The following RNF17 variants were observed in gnomAD, a reference collection of about 807,000 sequenced individuals.
The protein encoded by RNF17 is ring finger protein 17.
A neutral mutation model predicts 200.5 loss-of-function variants in RNF17; 31 were observed. The ratio of observed to expected loss-of-function variants is 0.15; its 90% CI spans 0.12 to 0.21. The LOEUF is 0.21. Among genes scored for constraint, RNF17 ranks in the 10% least tolerant of loss-of-function variants. RNF17 has a pLI of 1.00. For synonymous variants in RNF17, 606 were observed against 637.8 expected, an observed-to-expected ratio of 0.95 and a Z score of 0.75; for missense variants, 1,628 against 1,905.1, an observed-to-expected ratio of 0.85 and a Z score of 2.71.
At chr13:24,764,661 A>G (rs1005454389) in intron 1 of RNF17, among the ~76,000 whole-genome samples, 1 of 152,220 alleles carries the variant, frequency 6.6e-6, no homozygotes, top group African/African-American at 2.4e-5. Flanking sequence ...TAGACATAAA[A>G]TGTAGCCCAT....
intron 2 of RNF17, 111 bp downstream of exon 2, chr13:24,767,477 T>C (rs1021737352): frequency 6.3e-5 from 45 of 717,686 alleles, no homozygotes; most frequent in Non-Finnish European, 9.8e-5. Flanking sequence ...TGGCCGGGCG[T>C]GGTGGCTGAC....
chr13:24,819,049 AC>A (rs1566176557), intron 15 of RNF17, among the ~76,000 whole-genome samples: 1 of 152,122 alleles, frequency 6.6e-6, no homozygotes, highest in Admixed American at 6.5e-5. Flanking sequence ...GTGTTAAAAA[AC>A]ACACAGAATT....
intron 22 of RNF17, among the ~76,000 whole-genome samples, chr13:24,848,219 C>A (rs1315286056): frequency 2.0e-5 from 3 of 152,138 alleles, no homozygotes; most frequent in Non-Finnish European, 2.9e-5. Context: ...ATTATAAACA[C>A]AGTCTGAACC....
At chr13:24,779,998 G>A (rs536974659) in intron 5 of RNF17, among the ~76,000 whole-genome samples, 2 of 152,254 alleles carry the variant, frequency 1.3e-5, no homozygotes, top group African/African-American at 4.8e-5. Context: ...GCTGAATTTT[G>A]TCTCAGAAGC....
chr13:24,802,240 G>T lies in RNF17; in HGVS notation c.1759-141G>T, dbSNP rs150570888. 5 of 641,532 alleles carry T rather than the reference G, an allele frequency of 7.8e-6. No individual in the cohort carries two copies. In the African/African-American group the frequency reaches 9.4e-5, roughly 12 times the overall value. The allele number at this position is 641,532 out of a possible 1,614,324, so 39.7% of individuals were successfully genotyped here. A position where few individuals can be genotyped will look rare whatever the true frequency, so the allele number is the denominator to read the frequency against. ...ACCTTGTGAGTCACCACGCCCGGCT[G>T]CCCTGGCTGTTTCCTAATGTCTGCG... On this transcript the variant is annotated intron_variant, in intron 13 of 35. Coordinates refer to ENST00000255324, the MANE Select transcript of RNF17 (RefSeq NM_031277.3).
At chr13:24,782,690 A>T (rs905878951) in intron 6 of RNF17, among the ~76,000 whole-genome samples, 2 of 152,132 alleles carry the variant, frequency 1.3e-5, no homozygotes, top group African/African-American at 4.8e-5. Context: ...AAAAAAAATC[A>T]ACCAGGCATT....
rs996945288 is a variant in RNF17, at chr13:24,866,133, T to C, written c.4102-11T>C. ...CTAAAGGTGATTTTACTCAATACCA[T>C]ATTATTTCAGAAACCAAGATCAGAT... is the stretch of plus-strand genomic sequence containing the variant. On this transcript the variant is annotated splice_polypyrimidine_tract_variant and intron_variant, in intron 29 of 35. Coordinates refer to ENST00000255324, the MANE Select transcript of RNF17 (RefSeq NM_031277.3). The C allele has an allele frequency of 3.5e-6, 5 of 1,433,106 alleles. No individual in the cohort carries two copies. Among genetic ancestry groups the C allele is most frequent in the South Asian group, 2.4e-5 (2 of 84,140 alleles). The allele number at this position is 1,433,106 out of a possible 1,614,324, so 88.8% of individuals were successfully genotyped here. A position where few individuals can be genotyped will look rare whatever the true frequency, so the allele number is the denominator to read the frequency against.
At chr13:24,883,246 C>T (rs146300947), downstream of RNF17, 182 of 1,614,080 alleles carry the variant, frequency 1.1e-4, no homozygotes, top group South Asian at 1.8e-3. Flanking sequence ...ATCTGTACTT[C>T]GTTTCTTGAT....
chr13:24,829,984 G>A (rs1889208268), intron 16 of RNF17, among the ~76,000 whole-genome samples: 1 of 152,038 alleles, frequency 6.6e-6, no homozygotes, highest in Admixed American at 6.6e-5. Flanking sequence ...TGCTTACTTT[G>A]TACCTTGTGC....
rs868233031 is a variant in RNF17, at chr13:24,806,331, T to C, written c.2091+1902T>C. Among the ~76,000 whole-genome samples, 3 of 152,210 alleles carry C rather than the reference T, an allele frequency of 2.0e-5. No homozygotes were observed. In the South Asian group the frequency reaches 6.2e-4, roughly 32 times the overall value. On this transcript the variant is annotated intron_variant, in intron 15 of 35. Transcript: ENST00000255324. ...TAGTGCTGCAATAAACATACGTGTG[T>C]AAGTGTCTTTATAGTAGAATGATTT...
Position 24,776,545 on chromosome 13 carries a change from C to T in RNF17, c.317+1641C>T, listed in dbSNP as rs148054051. ...ACTCCTATACCACTGGTCACTTCCTCCATGAGATATGTGTAGAGTTATTAG... is the reference window on the plus strand; with the variant it reads ...ACTCCTATACCACTGGTCACTTCCTTCATGAGATATGTGTAGAGTTATTAG... On this transcript the variant is annotated intron_variant, in intron 3 of 35. Transcript: ENST00000255324. Among the ~76,000 whole-genome samples, 394 of 152,302 alleles carry T rather than the reference C, an allele frequency of 2.6e-3. 1 individual carries two copies. The highest frequency in any genetic ancestry group is 0.017 in the Middle Eastern group (5 of 294).
chr13:24,840,792 T>G (rs755783039), intron 18 of RNF17, among the ~76,000 whole-genome samples: 14 of 152,176 alleles, frequency 9.2e-5, no homozygotes, highest in Non-Finnish European at 1.9e-4. Context: ...CAGTATATAC[T>G]GTTTGGGTGA....
chr13:24,884,708 A>C (rs1344295779), downstream of RNF17, among the ~76,000 whole-genome samples: 1 of 152,220 alleles, frequency 6.6e-6, no homozygotes, highest in Admixed American at 6.5e-5. Context: ...GTTACCCTAA[A>C]GTAGACTTTG....
chr13:24,883,254 G>A (rs1566275147), downstream of RNF17: 1 of 1,613,986 alleles, frequency 6.2e-7, no homozygotes, highest in Non-Finnish European at 8.5e-7. Context: ...TTCGTTTCTT[G>A]ATGACCGTTT....
At chr13:24,751,091 C>T in the RNF17 span, 1 of 152,098 alleles carries the variant, frequency 6.6e-6, no homozygotes, top group African/African-American at 2.4e-5. Context: ...TTGTATTGTT[C>T]AGATGGCCAA....
At chr13:24,871,878 G>A (rs944151077) in intron 32 of RNF17, among the ~76,000 whole-genome samples, 2 of 150,792 alleles carry the variant, frequency 1.3e-5, no homozygotes, top group African/African-American at 2.4e-5. Context: ...TGATCCACCC[G>A]CCTTGGCCTC....
intron 4 of RNF17, among the ~76,000 whole-genome samples, chr13:24,778,703 T>C (rs1303007362): frequency 6.6e-6 from 1 of 152,242 alleles, no homozygotes; most frequent in African/African-American, 2.4e-5. Context: ...ATGTAAAGCA[T>C]GAGTTTTTAA....
At chr13:24,883,362 T>C, downstream of RNF17, 1 of 1,601,400 alleles carries the variant, frequency 6.2e-7, no homozygotes. Context: ...ATGAGTTTGT[T>C]GCCATCACTG....
chr13:24,883,336 G>A, downstream of RNF17: 1 of 1,613,278 alleles, frequency 6.2e-7, no homozygotes, highest in Non-Finnish European at 8.5e-7. Context: ...GTTCTCTTTG[G>A]CCATTATTAA....
Sources: gnomAD v4.1 joint callset for allele counts (sites outside exome capture counted in the v4.1 genomes callset) on GRCh38, gnomAD v4.1.1 for gene constraint, MANE v1.5 for transcripts, NCBI Gene and HGNC (gene_info 2026-07-23, HGNC 2026-07-21) for gene names.